Variants in TEX48 observed in about 807,000 individuals in gnomAD.
The protein encoded by TEX48 is testis-expressed protein 48.
TEX48 carries 10 observed loss-of-function variants against 13.2 expected under a neutral mutation model. The ratio of observed to expected loss-of-function variants is 0.75; its 90% CI spans 0.47 to 1.28. The LOEUF (loss-of-function observed/expected upper bound fraction) is 1.28, where lower values mean the gene tolerates loss of function less well. TEX48 is among the 50% of genes most tolerant of loss of function. TEX48 has a pLI of 0.00. For synonymous variants in TEX48, 45 were observed against 52.3 expected (o/e 0.86, Z 0.60); for missense variants, 116 against 139.4 (o/e 0.83, Z 0.84).
chr9:114,681,520 C>T (rs1371522093), intron 1 of TEX48, among the ~76,000 whole-genome samples: 4 of 152,108 alleles, frequency 2.6e-5, no homozygotes, highest in Admixed American at 2.6e-4. Context: ...ATAATAGTAT[C>T]TACAATAGAA....
Position 114,674,602 on chromosome 9 carries a change from T to TTTCCTTCC in TEX48, c.-104-2783_-104-2776dup, listed in dbSNP as rs770645165. On this transcript the variant is annotated intron_variant, in intron 1 of 4. Transcript: ENST00000436752. The stretch of plus-strand genomic sequence containing the variant: ...TCTTTTTTTCTCTTTTCTCTTTTTC[T>TTTCCTTCC]TTCCTTCCTTCCTTCCTTCCTTCCT... Among the ~76,000 whole-genome samples the TTTCCTTCC allele has an allele frequency of 3.2e-3, 172 of 54,424 alleles. 1 individual carries two copies. Among genetic ancestry groups the TTTCCTTCC allele is most frequent in the East Asian group, 7.4e-3 (16 of 2,158 alleles). 35.7% of individuals were successfully genotyped at this position (54,424 alleles called of 152,430 possible). A position where few individuals can be genotyped will look rare whatever the true frequency, so the allele number is the denominator to read the frequency against.
chr9:114,682,090 C>A lies in TEX48; in HGVS notation c.-160G>T, dbSNP rs1075371. The A allele has an allele frequency of 0.045, 6,894 of 152,458 alleles. 403 individuals are homozygous for A. The highest frequency in any genetic ancestry group is 0.2 in the East Asian group (1,024 of 5,154). 9.4% of individuals were successfully genotyped at this position (152,458 alleles called of 1,614,324 possible). A position where few individuals can be genotyped will look rare whatever the true frequency, so the allele number is the denominator to read the frequency against. ...CTGTGATGTCACAGAGCTGGGGAAC[C>A]AGGGAATGTTGGGGCTGGGATGTTT... On this transcript the variant is annotated 5_prime_UTR_variant, in exon 1 of 5. Coordinates refer to ENST00000436752, the MANE Select transcript of TEX48 (RefSeq NM_001199233.2).
At chr9:114,676,325 G>A (rs549809928) in intron 1 of TEX48, among the ~76,000 whole-genome samples, 40 of 151,946 alleles carry the variant, frequency 2.6e-4, no homozygotes, top group African/African-American at 8.9e-4. Context: ...TACCATGCCC[G>A]GTTATAGTTT....
At chr9:114,667,049 T>C (rs147437233) in intron 4 of TEX48, among the ~76,000 whole-genome samples, 6,882 of 152,250 alleles carry the variant, frequency 0.045, 204 homozygotes, top group Middle Eastern at 0.082. Flanking sequence ...CATTCCCTAG[T>C]GCACTCGTGG....
chr9:114,667,543 C>T (rs967109747), intron 4 of TEX48, among the ~76,000 whole-genome samples: 1 of 152,208 alleles, frequency 6.6e-6, no homozygotes, highest in Non-Finnish European at 1.5e-5. Context: ...GGCCCCTGCC[C>T]TCCTGGCACT....
intron 4 of TEX48, among the ~76,000 whole-genome samples, chr9:114,667,604 G>A (rs1193907746): frequency 6.6e-6 from 1 of 152,158 alleles, no homozygotes; most frequent in Non-Finnish European, 1.5e-5. Flanking sequence ...AAAAATACAC[G>A]TGTAAGATGA....
At chr9:114,671,526 A>G (rs1029005897) in intron 2 of TEX48, 21 bp from the exon 3 acceptor site, 1 of 1,479,092 alleles carries the variant, frequency 6.8e-7, no homozygotes, top group African/African-American at 1.8e-5. Flanking sequence ...CAAAGGAATG[A>G]GGGGCATGGG....
chr9:114,676,353 T>C (rs563250919), intron 1 of TEX48, among the ~76,000 whole-genome samples: 81 of 152,010 alleles, frequency 5.3e-4, no homozygotes, highest in African/African-American at 1.9e-3. Flanking sequence ...TTTGTTTTGG[T>C]AGAGATGGGA....
intron 3 of TEX48, 43 bp from the exon 4 acceptor site, chr9:114,668,380 G>T (rs1324411360): frequency 5.9e-6 from 9 of 1,516,848 alleles, no homozygotes; most frequent in Non-Finnish European, 8.0e-6. Context: ...GGAGGCTTAG[G>T]TGAGATCACG....
At chr9:114,668,027 C>G (rs1827874148) in intron 4 of TEX48, among the ~76,000 whole-genome samples, 179 bp downstream of exon 4, 1 of 151,910 alleles carries the variant, frequency 6.6e-6, no homozygotes. Flanking sequence ...ATAGTGGAGT[C>G]AGGTCTTAGC....
intron 3 of TEX48, among the ~76,000 whole-genome samples, chr9:114,668,812 A>G (rs1047675446): frequency 3.3e-5 from 5 of 152,046 alleles, no homozygotes; most frequent in East Asian, 1.9e-4. Context: ...ATCATATCCT[A>G]TGTATTATGG....
At chr9:114,677,366 C>T (rs1828095694) in intron 1 of TEX48, among the ~76,000 whole-genome samples, 1 of 151,448 alleles carries the variant, frequency 6.6e-6, no homozygotes, top group African/African-American at 2.4e-5. Flanking sequence ...TTTCATTTTC[C>T]TATAATTTAT....
intron 1 of TEX48, among the ~76,000 whole-genome samples, chr9:114,674,126 T>G (rs1357677205): frequency 6.6e-6 from 1 of 152,104 alleles, no homozygotes; most frequent in Non-Finnish European, 1.5e-5. Flanking sequence ...TTTCTCTTTC[T>G]TTTCTCCAAA....
chr9:114,679,023 A>G (rs1828134044), intron 1 of TEX48, among the ~76,000 whole-genome samples: 1 of 151,970 alleles, frequency 6.6e-6, no homozygotes, highest in Non-Finnish European at 1.5e-5. Context: ...ATTTTCTCTT[A>G]AGGGTGGATA....
At position 114,670,998 on chromosome 9, in the gene TEX48, C is replaced by T. The variant is rs1276411829; in HGVS notation, c.127+385G>A. ...GAGGTTTGAACTAACATGTATTGCCCCCAAAACAGGGATCTTAACCACTAT... is the reference window on the plus strand; with the variant it reads ...GAGGTTTGAACTAACATGTATTGCCTCCAAAACAGGGATCTTAACCACTAT... On this transcript the variant is annotated intron_variant, in intron 3 of 4. Transcript: ENST00000436752. Among the ~76,000 whole-genome samples the T allele has an allele frequency of 2.0e-5, 3 of 152,226 alleles. No individual in the cohort carries two copies. The East Asian group carries it at 5.8e-4, about 29-fold the overall frequency.
chr9:114,671,838 A>G lies in TEX48; in HGVS notation c.-104-11T>C. On this transcript the variant is annotated splice_polypyrimidine_tract_variant and intron_variant, in intron 1 of 4. Transcript: ENST00000436752. The stretch of plus-strand genomic sequence containing the variant: ...GGGCTGGGCTGTTTCCTAAGTAAAC[A>G]TAAGACCGTGGCTGAAAAATGCTAG... 3.3e-6 allele frequency: 4 copies of G among 1,200,984 alleles called. No individual in the cohort carries two copies. Among genetic ancestry groups the G allele is most frequent in the South Asian group, 2.6e-5 (2 of 76,844 alleles). The allele number at this position is 1,200,984 out of a possible 1,614,324, so 74.4% of individuals were successfully genotyped here.
rs1828215820 is a variant in TEX48 at position 114,682,154 on chromosome 9, GCTGAGCACGATGCCATGCTGGCCACCAGA to G, written c.-253_-225del. On this transcript the variant is annotated 5_prime_UTR_variant, in exon 1 of 5. The change abolishes an upstream ATG in the 5' untranslated region. Transcript: ENST00000436752. Reference sequence around the variant, plus strand: ...ACAGCGAGGAGGAGGGAGAAGTTCTGCTGAGCACGATGCCATGCTGGCCACCAGACTGTATACTGGGGCACAAGTCCTGG... The same window carrying G: ...ACAGCGAGGAGGAGGGAGAAGTTCTGCTGTATACTGGGGCACAAGTCCTGG... 6.6e-6 allele frequency: 1 copy of G among 152,248 alleles called. No individual in the cohort carries two copies. Among genetic ancestry groups the G allele is most frequent in the Non-Finnish European group, 1.5e-5 (1 of 68,148 alleles). The allele number at this position is 152,248 out of a possible 1,614,324, so 9.4% of individuals were successfully genotyped here.
At chr9:114,670,481 C>T (rs192697186) in intron 3 of TEX48, among the ~76,000 whole-genome samples, 7 of 142,258 alleles carry the variant, frequency 4.9e-5, no homozygotes, top group African/African-American at 1.8e-4. Flanking sequence ...CTGATTTTGA[C>T]AATAGTGCTT....
In TEX48 at chr9:114,671,923, C is replaced by T; in HGVS notation, c.-104-96G>A. On this transcript the variant is annotated intron_variant, in intron 1 of 4. Coordinates refer to ENST00000436752, the MANE Select transcript of TEX48 (RefSeq NM_001199233.2). ...AATGACAGCAAAATCCCACCTCATG[C>T]AGACATGCACATAAACATGCTCAGG... The T allele has an allele frequency of 6.6e-6, 4 of 610,260 alleles. No individual in the cohort carries two copies. In the South Asian group the frequency reaches 7.8e-5, roughly 12 times the overall value. The allele number at this position is 610,260 out of a possible 1,614,324, so 37.8% of individuals were successfully genotyped here.
Sources: gnomAD v4.1 joint callset for allele counts (sites outside exome capture counted in the v4.1 genomes callset) on GRCh38, gnomAD v4.1.1 for gene constraint, MANE v1.5 for transcripts, NCBI Gene and HGNC (gene_info 2026-07-23, HGNC 2026-07-21) for gene names.